MMRN1: variants seen among roughly 807,000 people sequenced by gnomAD.
MMRN1 encodes the protein multimerin 1.
Under a neutral mutation model 100.7 loss-of-function variants are expected in MMRN1, and 94 were observed. The observed-to-expected ratio is 0.93, with a 90% CI of 0.79 to 1.11. The LOEUF (loss-of-function observed/expected upper bound fraction) is 1.11, where lower values mean the gene tolerates loss of function less well. Ranked by LOEUF, MMRN1 falls within the 50% of genes least tolerant of loss-of-function variation. The pLI, the probability that MMRN1 is intolerant of heterozygous loss-of-function variation, is 0.00. For missense variants in MMRN1, 1,606 were observed against 1,439.1 expected (o/e 1.12, Z -1.88); for synonymous variants, 575 against 505.0 (o/e 1.14, Z -1.86).
chr4:89,881,632 A>G (rs1443840000), intron 1 of MMRN1, among the ~76,000 whole-genome samples: 1 of 151,962 alleles, frequency 6.6e-6, no homozygotes, highest in Admixed American at 6.6e-5. Flanking sequence ...AAAGGTGCCC[A>G]TGGTGAATGG....
intron 1 of MMRN1, among the ~76,000 whole-genome samples, chr4:89,901,154 GAAAA>G (rs372841987): frequency 2.7e-5 from 3 of 112,148 alleles, no homozygotes; most frequent in African/African-American, 3.0e-5. Context: ...GGGCTTTTAT[GAAAA>G]AAAAAAAAAA....
chr4:89,880,653 T>G (rs1469189670), intron 1 of MMRN1, among the ~76,000 whole-genome samples: 2 of 152,104 alleles, frequency 1.3e-5, no homozygotes, highest in Non-Finnish European at 2.9e-5. Flanking sequence ...TAATGGACAT[T>G]TAAGAATTGA....
At chr4:89,917,812 CT>C (rs1162891165) in intron 3 of MMRN1, among the ~76,000 whole-genome samples, 2 of 151,898 alleles carry the variant, frequency 1.3e-5, no homozygotes, top group Middle Eastern at 3.4e-3. Flanking sequence ...TTAAATTATC[CT>C]CCTGCTGAAT....
chr4:89,913,488 A>G (rs1721819518), intron 3 of MMRN1, among the ~76,000 whole-genome samples: 1 of 151,326 alleles, frequency 6.6e-6, no homozygotes, highest in African/African-American at 2.4e-5. Context: ...CTTTATCACT[A>G]TGGTGGACTA....
At position 89,935,400 on chromosome 4, in the gene MMRN1, A is replaced by ATT; in HGVS notation, c.1721_1722dup (p.Asn575LeufsTer44). 1 of 1,613,470 alleles carries ATT rather than the reference A, an allele frequency of 6.2e-7. No homozygotes were observed. The highest frequency in any genetic ancestry group is 1.1e-5 in the South Asian group (1 of 91,024). On this transcript the variant is annotated frameshift_variant, in exon 6 of 8. Coordinates refer to ENST00000264790, the MANE Select transcript of MMRN1 (RefSeq NM_007351.3). LOFTEE classifies it high-confidence loss of function. ...AGATTTGCACATTCAAGAAAGCAAG[A>ATT]TTAACAATCTCACCGTCTCTTTGGA...
chr4:89,891,540 G>T (rs777043480), upstream of MMRN1, among the ~76,000 whole-genome samples: 3 of 152,000 alleles, frequency 2.0e-5, no homozygotes, highest in Non-Finnish European at 4.4e-5. Flanking sequence ...ATGTTTGTAA[G>T]AATTAAATAA....
chr4:89,882,767 A>C (rs1720848617), intron 1 of MMRN1, among the ~76,000 whole-genome samples: 1 of 151,974 alleles, frequency 6.6e-6, no homozygotes, highest in Non-Finnish European at 1.5e-5. Context: ...CTTAATGTGT[A>C]ATATATACAC....
At chr4:89,899,439 C>T (rs1339528204) in intron 1 of MMRN1, among the ~76,000 whole-genome samples, 1 of 152,084 alleles carries the variant, frequency 6.6e-6, no homozygotes, top group Non-Finnish European at 1.5e-5. Context: ...TCCTACATGT[C>T]CTGCCTTATG....
chr4:89,950,422 C>T (rs1312969208), intron 6 of MMRN1, among the ~76,000 whole-genome samples: 1 of 152,074 alleles, frequency 6.6e-6, no homozygotes, highest in Non-Finnish European at 1.5e-5. Context: ...TCACATTGTC[C>T]TATTAACAGC....
At chr4:89,946,928 G>C (rs1166853346) in intron 6 of MMRN1, among the ~76,000 whole-genome samples, 1 of 152,074 alleles carries the variant, frequency 6.6e-6, no homozygotes, top group African/African-American at 2.4e-5. Context: ...AAAATGGACA[G>C]GAAGGAGTTT....
At chr4:89,880,851 A>G (rs568812978) in intron 1 of MMRN1, among the ~76,000 whole-genome samples, 1 of 152,242 alleles carries the variant, frequency 6.6e-6, no homozygotes, top group African/African-American at 2.4e-5. Flanking sequence ...GACAGCAGGG[A>G]TGTTAAAAAA....
chr4:89,940,317 G>A (rs562262607), intron 6 of MMRN1, among the ~76,000 whole-genome samples: 1 of 151,888 alleles, frequency 6.6e-6, no homozygotes, highest in Non-Finnish European at 1.5e-5. Flanking sequence ...TTTCTCTAAT[G>A]TTTATCAATT....
Position 89,915,871 on chromosome 4 carries a change from G to C in MMRN1, c.850+3821G>C, listed in dbSNP as rs1401835019. Among the ~76,000 whole-genome samples, 4 of 151,668 alleles carry C rather than the reference G, an allele frequency of 2.6e-5. No homozygotes were observed. The Admixed American group carries it at 2.6e-4, about 10-fold the overall frequency. On this transcript the variant is annotated intron_variant, in intron 3 of 7. Coordinates refer to ENST00000264790, the MANE Select transcript of MMRN1 (RefSeq NM_007351.3). ...GTACCTATCGCTTAGAAGGGAACAAGAAAAAGAAACTTAGAAATCTGTCCT... is the reference window on the plus strand; with the variant it reads ...GTACCTATCGCTTAGAAGGGAACAACAAAAAGAAACTTAGAAATCTGTCCT...
intron 3 of MMRN1, among the ~76,000 whole-genome samples, chr4:89,916,593 G>A (rs1173124235): frequency 1.3e-5 from 2 of 151,496 alleles, no homozygotes; most frequent in African/African-American, 4.8e-5. Context: ...ACTGAGGAAT[G>A]AATCATCAAA....
rs1723226172 is a variant in MMRN1, at chr4:89,952,948, A to ATT, written c.3266-48_3266-47insTT. On this transcript the variant is annotated intron_variant, in intron 7 of 7. Transcript: ENST00000264790. ...ATGACGAAGATATAAGGAAAGAAAA[A>ATT]TAAGATAAAAACATGAAAATTAACT... The ATT allele has an allele frequency of 2.0e-6, 3 of 1,497,794 alleles. No homozygotes were observed. The African/African-American group carries it at 4.2e-5, about 21-fold the overall frequency. 92.8% of individuals were successfully genotyped at this position (1,497,794 alleles called of 1,614,324 possible).
intron 1 of MMRN1, among the ~76,000 whole-genome samples, chr4:89,881,519 T>C (rs1252323985): frequency 1.3e-5 from 2 of 152,088 alleles, no homozygotes; most frequent in African/African-American, 4.8e-5. Context: ...TATAAAAGAA[T>C]TATATGCCTT....
intron 3 of MMRN1, among the ~76,000 whole-genome samples, chr4:89,913,823 G>A (rs1252262599): frequency 6.6e-6 from 1 of 151,266 alleles, no homozygotes; most frequent in Non-Finnish European, 1.5e-5. Flanking sequence ...GGTATCTGCT[G>A]ATTAAGCTGT....
intron 3 of MMRN1, among the ~76,000 whole-genome samples, chr4:89,913,456 C>T (rs1272160182): frequency 6.6e-6 from 1 of 151,232 alleles, no homozygotes; most frequent in African/African-American, 2.4e-5. Flanking sequence ...GTGCTTCAAC[C>T]TTTTATACTT....
upstream of MMRN1, among the ~76,000 whole-genome samples, chr4:89,890,176 T>C (rs1178926700): frequency 6.6e-6 from 1 of 151,876 alleles, no homozygotes; most frequent in African/African-American, 2.4e-5. Context: ...GAGGTGGAAG[T>C]TTAATTCTCC....
Sources: gnomAD v4.1 joint callset for allele counts (sites outside exome capture counted in the v4.1 genomes callset) on GRCh38, gnomAD v4.1.1 for gene constraint, MANE v1.5 for transcripts, NCBI Gene and HGNC (gene_info 2026-07-23, HGNC 2026-07-21) for gene names.